SLC15A1: variants seen among roughly 807,000 people sequenced by gnomAD.
SLC15A1 encodes the protein Caco-2 oligopeptide transporter.
SLC15A1 carries 83 observed loss-of-function variants against 92.9 expected under a neutral mutation model. The ratio of observed to expected loss-of-function variants is 0.89; its 90% CI spans 0.75 to 1.07. The LOEUF (loss-of-function observed/expected upper bound fraction) is 1.07, where lower values mean the gene tolerates loss of function less well. SLC15A1 is among the 50% of genes least tolerant of loss of function. SLC15A1 has a pLI of 0.00. For synonymous variants in SLC15A1, 322 were observed against 318.2 expected (o/e 1.01, Z -0.13); for missense variants, 857 against 880.1 (o/e 0.97, Z 0.33).
In SLC15A1 at chr13:98,712,534, C is replaced by T. The variant is rs746825904; in HGVS notation, c.774G>A (p.Arg258=). ...FRHRSKAFPK[R]EHWLDWAKEK... is the part of the protein sequence containing the mutation. ...CTTTAGCCCAGTCCAGCCAGTGCTC[C>T]CTCTTGGGAAATGCCTTACTCCGAT... is the stretch of plus-strand genomic sequence containing the variant. The change falls in exon 10 of 23, where the codon AGG becomes AGA. Residue 258 remains arginine (R), a synonymous_variant. Transcript: ENST00000376503. The T allele has an allele frequency of 1.8e-5, 29 of 1,611,428 alleles. No individual in the cohort carries two copies. Among genetic ancestry groups the T allele is most frequent in the Non-Finnish European group, 2.1e-5 (25 of 1,179,068 alleles).
At chr13:98,731,399 C>T (rs2088349514) in intron 1 of SLC15A1, among the ~76,000 whole-genome samples, 1 of 152,210 alleles carries the variant, frequency 6.6e-6, no homozygotes, top group African/African-American at 2.4e-5. Flanking sequence ...GCTGTAGTGC[C>T]GTGCGTTCTT....
Position 98,718,899 on chromosome 13 carries a change from T to C in SLC15A1, c.640+338A>G, listed in dbSNP as rs2088232294. ...TGGTCTTAAACTCAAGGGATCCCCCTGCCTTGGCCTCCCAAAGTGCTGGGA... is the reference window on the plus strand; with the variant it reads ...TGGTCTTAAACTCAAGGGATCCCCCCGCCTTGGCCTCCCAAAGTGCTGGGA... On this transcript the variant is annotated intron_variant, in intron 8 of 22. Coordinates refer to ENST00000376503, the MANE Select transcript of SLC15A1 (RefSeq NM_005073.4). 2.0e-5 allele frequency among the ~76,000 whole-genome samples: 3 copies of C among 152,176 alleles called. No individual in the cohort carries two copies. In the South Asian group the frequency reaches 6.2e-4, roughly 32 times the overall value.
At chr13:98,731,210 G>C (rs1388923373) in intron 1 of SLC15A1, among the ~76,000 whole-genome samples, 2 of 152,210 alleles carry the variant, frequency 1.3e-5, no homozygotes, top group African/African-American at 4.8e-5. Flanking sequence ...CTCCTGTGCT[G>C]AGCATGGCCT....
At chr13:98,701,111 G>A (rs1192180691) in intron 18 of SLC15A1, among the ~76,000 whole-genome samples, 2 of 152,028 alleles carry the variant, frequency 1.3e-5, no homozygotes, top group African/African-American at 4.8e-5. Context: ...AAACCTACAG[G>A]TCAGCTTGGG....
At chr13:98,711,803 G>A (rs536306607) in intron 11 of SLC15A1, 51 bp downstream of exon 11, 16 of 1,362,400 alleles carry the variant, frequency 1.2e-5, no homozygotes, top group Admixed American at 1.7e-5. Flanking sequence ...CTGGCAGTGC[G>A]GGATGTACGC....
At chr13:98,744,377 A>T (rs1469603884) in intron 1 of SLC15A1, among the ~76,000 whole-genome samples, 1 of 151,992 alleles carries the variant, frequency 6.6e-6, no homozygotes, top group Non-Finnish European at 1.5e-5. Flanking sequence ...TGACTAGAAA[A>T]AAATGCTTTA....
At chr13:98,752,301 G>C (rs2088553006) in intron 1 of SLC15A1, among the ~76,000 whole-genome samples, 1 of 152,214 alleles carries the variant, frequency 6.6e-6, no homozygotes, top group Non-Finnish European at 1.5e-5. Flanking sequence ...GCGCACTCCC[G>C]GCCCGCAGGG....
In SLC15A1 at chr13:98,684,545, C is replaced by CAAA. The variant is rs4646233; in HGVS notation, c.*176_*178dup. 477 of 192,982 alleles carry CAAA rather than the reference C, an allele frequency of 2.5e-3. No homozygotes were observed. The highest frequency in any genetic ancestry group is 3.5e-3 in the South Asian group (35 of 10,028). 12.0% of individuals were successfully genotyped at this position (192,982 alleles called of 1,614,324 possible). A position where few individuals can be genotyped will look rare whatever the true frequency, so the allele number is the denominator to read the frequency against. ...GGACAACAAGAGCAAAACTCTGTCT[C>CAAA]AAAAAAAAAAAAAAAAAAAAAAAGA... On this transcript the variant is annotated 3_prime_UTR_variant, in exon 23 of 23. Coordinates refer to ENST00000376503, the MANE Select transcript of SLC15A1 (RefSeq NM_005073.4).
At chr13:98,702,205 C>A (rs979211236) in intron 18 of SLC15A1, among the ~76,000 whole-genome samples, 17 of 152,102 alleles carry the variant, frequency 1.1e-4, no homozygotes, top group African/African-American at 3.9e-4. Flanking sequence ...CTTCTATTCC[C>A]AGTTTGTTGA....
chr13:98,718,024 G>T (rs1261795284), intron 8 of SLC15A1, among the ~76,000 whole-genome samples: 1 of 149,992 alleles, frequency 6.7e-6, no homozygotes. Flanking sequence ...CAGTGGGAAA[G>T]AATTCTAGTA....
At chr13:98,718,954 C>G (rs1227112281) in intron 8 of SLC15A1, among the ~76,000 whole-genome samples, 1 of 152,168 alleles carries the variant, frequency 6.6e-6, no homozygotes, top group Non-Finnish European at 1.5e-5. Flanking sequence ...TGCTGGGCCT[C>G]TCTCACCTTC....
At chr13:98,689,990 C>T (rs1281867198) in intron 18 of SLC15A1, among the ~76,000 whole-genome samples, 1 of 152,174 alleles carries the variant, frequency 6.6e-6, no homozygotes, top group East Asian at 1.9e-4. Flanking sequence ...TGATTACAGA[C>T]CCCTTTCATA....
chr13:98,746,910 G>A (rs1246155687), intron 1 of SLC15A1, among the ~76,000 whole-genome samples: 1 of 152,148 alleles, frequency 6.6e-6, no homozygotes, highest in Non-Finnish European at 1.5e-5. Context: ...GGAAGACCCT[G>A]TCCCTGTGCC....
chr13:98,752,532 C>G, intron 1 of SLC15A1, 63 bp downstream of exon 1: 1 of 1,260,976 alleles, frequency 7.9e-7, no homozygotes, highest in Non-Finnish European at 1.0e-6. Flanking sequence ...CCCTCGGTGC[C>G]GGCCCCCGCC....
chr13:98,691,971 G>C (rs2087982447), intron 18 of SLC15A1, among the ~76,000 whole-genome samples: 1 of 151,774 alleles, frequency 6.6e-6, no homozygotes, highest in African/African-American at 2.4e-5. Flanking sequence ...TACTCGGGAG[G>C]CTGAGGCAGG....
chr13:98,745,224 C>T (rs1284924448), intron 1 of SLC15A1, among the ~76,000 whole-genome samples: 2 of 152,140 alleles, frequency 1.3e-5, no homozygotes, highest in African/African-American at 4.8e-5. Flanking sequence ...CCAGAAAACC[C>T]ATCTGTCTTG....
intron 1 of SLC15A1, among the ~76,000 whole-genome samples, chr13:98,750,206 G>C (rs143483101): frequency 0.018 from 2,782 of 151,808 alleles, 93 homozygotes; most frequent in African/African-American, 0.063. Flanking sequence ...TCTGCCTCCC[G>C]GGTTCAAGTG....
chr13:98,686,162 A>G lies in SLC15A1; in HGVS notation c.1935+28T>C, dbSNP rs948675723. On this transcript the variant is annotated intron_variant, in intron 22 of 22. Coordinates refer to ENST00000376503, the MANE Select transcript of SLC15A1 (RefSeq NM_005073.4). Reference sequence around the variant, plus strand: ...GACCATGAACAGGAAAGACAGAGGTATGTGCAATCTCCTCTCCCACGCCAT... The same window carrying G: ...GACCATGAACAGGAAAGACAGAGGTGTGTGCAATCTCCTCTCCCACGCCAT... The G allele has an allele frequency of 4.0e-6, 6 of 1,489,662 alleles. No homozygotes were observed. In the Admixed American group the frequency reaches 8.4e-5, roughly 21 times the overall value. 92.3% of individuals were successfully genotyped at this position (1,489,662 alleles called of 1,614,324 possible).
chr13:98,748,006 T>G (rs954816744), intron 1 of SLC15A1, among the ~76,000 whole-genome samples: 1 of 152,202 alleles, frequency 6.6e-6, no homozygotes, highest in Non-Finnish European at 1.5e-5. Flanking sequence ...TGGGCAAACC[T>G]AAAGTAGGCA....
Sources: allele counts gnomAD v4.1 joint callset (sites outside exome capture counted in the v4.1 genomes callset), GRCh38; gene constraint gnomAD v4.1.1; transcripts MANE v1.5; gene names NCBI Gene and HGNC (gene_info 2026-07-23, HGNC 2026-07-21).